ITK: variants seen among roughly 807,000 people sequenced by gnomAD.
ITK encodes the protein tyrosine-protein kinase ITK/TSK.
Under a neutral mutation model 87.6 loss-of-function variants are expected in ITK, and 45 were observed. The observed-to-expected ratio is 0.51, with a 90% confidence interval of 0.40 to 0.66. ITK has a LOEUF of 0.66. Among genes scored for constraint, ITK ranks in the 30% least tolerant of loss-of-function variants. ITK has a pLI of 0.00. For synonymous variants in ITK, 303 were observed against 273.6 expected, an observed-to-expected ratio of 1.11 and a Z score of -1.06; for missense variants, 605 against 766.3, an observed-to-expected ratio of 0.79 and a Z score of 2.48.
chr5:157,209,225 G>A (rs530575977), intron 2 of ITK, among the ~76,000 whole-genome samples: 40 of 152,006 alleles, frequency 2.6e-4, no homozygotes, highest in African/African-American at 9.4e-4. Flanking sequence ...CCAGCTACTC[G>A]GGAGGCTGAG....
intron 4 of ITK, among the ~76,000 whole-genome samples, chr5:157,215,402 A>G (rs1754279137): frequency 6.6e-6 from 1 of 152,148 alleles, no homozygotes; most frequent in Admixed American, 6.5e-5. Context: ...CCACTTTAAA[A>G]ACCACCACTT....
chr5:157,204,308 C>T (rs1336894078), intron 1 of ITK, among the ~76,000 whole-genome samples: 1 of 152,198 alleles, frequency 6.6e-6, no homozygotes, highest in Non-Finnish European at 1.5e-5. Flanking sequence ...TGCCTGTAAT[C>T]CCAGCACTTT....
In ITK at chr5:157,201,409, TG is replaced by T. The variant is rs1214035986; in HGVS notation, c.139-7479del. Among the ~76,000 whole-genome samples the T allele has an allele frequency of 5.9e-5, 9 of 151,516 alleles. No homozygotes were observed. In the East Asian group the frequency reaches 1.7e-3, roughly 29 times the overall value. ...ACCTCCTGGGTTCAAGGGATTCTCC[TG>T]CCTCAGCCTCCCGAGCAGCTGGGAT... is the stretch of plus-strand genomic sequence containing the variant. On this transcript the variant is annotated intron_variant, in intron 1 of 16. Transcript: ENST00000422843.
intron 3 of ITK, chr5:157,213,841 CT>C (rs1754243088): frequency 2.7e-6 from 1 of 372,760 alleles, no homozygotes; most frequent in Admixed American, 3.8e-5. Flanking sequence ...CCTTCTCAAC[CT>C]TCTCATTACC....
In ITK at chr5:157,208,415, G is replaced by A. The variant is rs371028821; in HGVS notation, c.139-474G>A. ...TTTGGGAGTGTCATTGTGGGACTGC[G>A]GATAATTAAAGGACATGGAGAAGCC... On this transcript the variant is annotated intron_variant, in intron 1 of 16. Coordinates refer to ENST00000422843, the MANE Select transcript of ITK (RefSeq NM_005546.4). Among the ~76,000 whole-genome samples the A allele has an allele frequency of 2.8e-4, 42 of 152,022 alleles. 1 individual carries two copies. In the South Asian group the frequency reaches 7.5e-3, roughly 27 times the overall value.
chr5:157,228,626 G>C (rs1754585092), intron 7 of ITK, among the ~76,000 whole-genome samples: 1 of 151,992 alleles, frequency 6.6e-6, no homozygotes, highest in South Asian at 2.1e-4. Context: ...TACTTAAAAA[G>C]AAATTTTTCT....
chr5:157,187,968 T>A (rs1052276993), intron 1 of ITK, among the ~76,000 whole-genome samples: 1 of 150,420 alleles, frequency 6.6e-6, no homozygotes, highest in Admixed American at 6.6e-5. Context: ...CTTGGCTATT[T>A]AAAAAAAAAA....
At chr5:157,233,421 C>A (rs1451623308) in intron 8 of ITK, among the ~76,000 whole-genome samples, 1 of 152,318 alleles carries the variant, frequency 6.6e-6, no homozygotes, top group East Asian at 1.9e-4. Flanking sequence ...GAGCTGAGTC[C>A]TTACTGAACT....
intron 3 of ITK, among the ~76,000 whole-genome samples, chr5:157,212,833 C>G (rs1033493131): frequency 6.6e-6 from 1 of 151,662 alleles, no homozygotes; most frequent in Non-Finnish European, 1.5e-5. Flanking sequence ...AGAGCAAGAC[C>G]CTGTTCTTAC....
chr5:157,230,528 G>T (rs1422771008), intron 7 of ITK, among the ~76,000 whole-genome samples: 3 of 152,096 alleles, frequency 2.0e-5, no homozygotes, highest in Admixed American at 6.6e-5. Flanking sequence ...TGTTTGTTTT[G>T]ATAAAGTATG....
At chr5:157,182,133 T>C (rs1224969915) in intron 1 of ITK, among the ~76,000 whole-genome samples, 1 of 152,266 alleles carries the variant, frequency 6.6e-6, no homozygotes, top group Non-Finnish European at 1.5e-5. Flanking sequence ...GATTTCTTAC[T>C]GTATGGTTAT....
intron 6 of ITK, among the ~76,000 whole-genome samples, chr5:157,225,484 G>A (rs1406488763): frequency 6.6e-6 from 1 of 151,848 alleles, no homozygotes; most frequent in South Asian, 2.1e-4. Flanking sequence ...AAAAAGAGGG[G>A]CACAAATATC....
At chr5:157,189,670 G>A (rs1753713995) in intron 1 of ITK, among the ~76,000 whole-genome samples, 1 of 152,140 alleles carries the variant, frequency 6.6e-6, no homozygotes, top group Non-Finnish European at 1.5e-5. Flanking sequence ...GACACAGCAA[G>A]GTGCTGTCAC....
chr5:157,203,686 C>G (rs1754020860), intron 1 of ITK, among the ~76,000 whole-genome samples: 1 of 152,156 alleles, frequency 6.6e-6, no homozygotes, highest in Non-Finnish European at 1.5e-5. Flanking sequence ...TTAACCATTC[C>G]AAAGAACTGT....
At chr5:157,228,696 G>A (rs1282674398) in intron 7 of ITK, among the ~76,000 whole-genome samples, 2 of 152,008 alleles carry the variant, frequency 1.3e-5, no homozygotes, top group Non-Finnish European at 2.9e-5. Flanking sequence ...GTGCAATAGT[G>A]TGATCTCGGC....
chr5:157,232,387 T>C lies in ITK; in HGVS notation c.761T>C (p.Leu254Ser). 6.2e-7 allele frequency: 1 copy of C among 1,605,908 alleles called. No homozygotes were observed. The change falls in exon 8 of 17, where the codon TTG becomes TCG. Residue 254 changes from leucine to serine, a missense_variant. By Grantham distance (145) the Leu-to-Ser change is moderately radical (BLOSUM62 -2). Around this residue, in one of 3 missense-constraint regions of ITK, gnomAD observed 464 missense variants for 578.0 expected, o/e 0.80. Coordinates refer to ENST00000422843, the MANE Select transcript of ITK (RefSeq NM_005546.4). ...CGAGACAAAGCTGAAAAACTTCTTT[T>C]GGACACAGTAAGTCTCCTTAACCTG... is the stretch of plus-strand genomic sequence containing the variant. Reference protein sequence around the residue: ...ISRDKAEKLLLDTGKEGAFMV... With the variant: ...ISRDKAEKLLSDTGKEGAFMV...
intron 1 of ITK, among the ~76,000 whole-genome samples, chr5:157,206,375 T>G (rs1474993289): frequency 6.6e-6 from 1 of 152,172 alleles, no homozygotes; most frequent in East Asian, 1.9e-4. Context: ...TGCCAGGTTT[T>G]GGTATCAGGA....
At chr5:157,185,702 G>A (rs1753628777) in intron 1 of ITK, among the ~76,000 whole-genome samples, 1 of 147,940 alleles carries the variant, frequency 6.8e-6, no homozygotes, top group Admixed American at 6.7e-5. Context: ...AAAAAAGCCA[G>A]ATGTGGTGCT....
At chr5:157,221,953 C>A (rs1175819799) in intron 5 of ITK, among the ~76,000 whole-genome samples, 1 of 151,970 alleles carries the variant, frequency 6.6e-6, no homozygotes, top group Non-Finnish European at 1.5e-5. Context: ...GAGTTTGAGA[C>A]CAGTCTGGGC....
Sources: gnomAD v4.1 joint callset for allele counts (sites outside exome capture counted in the v4.1 genomes callset) on GRCh38, gnomAD v4.1.1 for gene constraint, gnomAD v4.1.1 regional missense constraint, MANE v1.5 for transcripts, NCBI Gene and HGNC (gene_info 2026-07-23, HGNC 2026-07-21) for gene names.